OR51B5: variants seen among roughly 807,000 people sequenced by gnomAD.
The protein encoded by OR51B5 is olfactory receptor family 51 subfamily B member 5.
For synonymous variants in OR51B5, 186 were observed against 144.8 expected (o/e 1.28, Z -2.04); for missense variants, 456 against 374.6 (o/e 1.22, Z -1.79).
chr11:5,381,174 T>TCTCA (rs1554885861), intron 1 of OR51B5, among the ~76,000 whole-genome samples: 47 of 148,422 alleles, frequency 3.2e-4, no homozygotes, highest in African/African-American at 9.5e-4. Context: ...TCTCTCTCTC[T>TCTCA]CACACACACA....
rs79683057 is a variant in OR51B5 at position 5,422,500 on chromosome 11, T to C, written n.85-75590A>G. 1.9e-3 allele frequency: 2,993 copies of C among 1,614,218 alleles called. 3 individuals are homozygous for C. The highest frequency in any genetic ancestry group is 2.3e-3 in the Non-Finnish European group (2,683 of 1,180,028). ...GTAGAATCAGCTCTGAGGCCTGTTT[T>C]GCTCAGTTTTTCTTCCTTCATGGAT... On this transcript the variant is annotated intron_variant and non_coding_transcript_variant, in intron 1 of 4. Transcript: ENST00000415970.
intron 1 of OR51B5, among the ~76,000 whole-genome samples, chr11:5,450,857 A>G (rs1344833166): frequency 2.6e-5 from 4 of 152,092 alleles, no homozygotes; most frequent in African/African-American, 9.7e-5. Context: ...GCTGAGGATG[A>G]TGGCTTCCAG....
At chr11:5,398,745 A>T (rs1359197532) in intron 1 of OR51B5, among the ~76,000 whole-genome samples, 1 of 152,286 alleles carries the variant, frequency 6.6e-6, no homozygotes, top group African/African-American at 2.4e-5. Flanking sequence ...TGGTTTTATA[A>T]GGCAGTTTTC....
At chr11:5,388,549 G>A (rs192011746) in intron 1 of OR51B5, among the ~76,000 whole-genome samples, 37 of 147,098 alleles carry the variant, frequency 2.5e-4, no homozygotes, top group African/African-American at 8.1e-4. Context: ...CTATGAGCAA[G>A]CATACTAGAT....
rs533890148 is a variant in OR51B5, at chr11:5,462,532, C to T, written n.84+43037G>A. ...CTACTATGGCAAGAACTTCTTTGCT[C>T]TTGTGGTTATAGTTCAGTTGGATGA... is the stretch of plus-strand genomic sequence containing the variant. On this transcript the variant is annotated intron_variant and non_coding_transcript_variant, in intron 1 of 4. Transcript: ENST00000415970. 5.7e-4 allele frequency among the ~76,000 whole-genome samples: 87 copies of T among 152,290 alleles called. 1 individual carries two copies. In the Middle Eastern group the frequency reaches 0.021, roughly 36 times the overall value.
chr11:5,416,266 G>A (rs1850242678), intron 1 of OR51B5, among the ~76,000 whole-genome samples: 1 of 139,820 alleles, frequency 7.2e-6, no homozygotes, highest in Non-Finnish European at 1.6e-5. Context: ...CGGTATTGAT[G>A]GGACGTATCT....
At chr11:5,440,851 A>C in intron 1 of OR51B5, 3 of 1,613,866 alleles carry the variant, frequency 1.9e-6, no homozygotes, top group Non-Finnish European at 2.5e-6. Flanking sequence ...CTCAGGATCA[A>C]TGCGTAGGAA....
intron 1 of OR51B5, among the ~76,000 whole-genome samples, chr11:5,417,351 C>T (rs1392468450): frequency 1.3e-5 from 2 of 151,918 alleles, no homozygotes; most frequent in African/African-American, 4.8e-5. Flanking sequence ...CATTACCATT[C>T]AGGACATAGG....
chr11:5,441,293 T>C (rs1471652071), intron 1 of OR51B5: 7 of 1,613,862 alleles, frequency 4.3e-6, no homozygotes, highest in African/African-American at 1.3e-5. Context: ...AAAAGGACAC[T>C]CCCAGATCAT....
rs140689393 is a variant in OR51B5 at position 5,435,604 on chromosome 11, A to G, written n.84+69965T>C. Among the ~76,000 whole-genome samples the G allele has an allele frequency of 8.9e-4, 135 of 152,304 alleles. 1 individual carries two copies. Among genetic ancestry groups the G allele is most frequent in the African/African-American group, 3.2e-3 (131 of 41,560 alleles). On this transcript the variant is annotated intron_variant and non_coding_transcript_variant, in intron 1 of 4. Coordinates refer to the OR51B5 transcript ENST00000415970. ...ACTGGATGAATAAATAACTGAATAA[A>G]TAGTATCTGAGGTTTCCATGGTGAT...
At chr11:5,434,261 T>C (rs1458532131) in intron 1 of OR51B5, among the ~76,000 whole-genome samples, 1 of 152,212 alleles carries the variant, frequency 6.6e-6, no homozygotes, top group Non-Finnish European at 1.5e-5. Flanking sequence ...CATTTTAGAC[T>C]AAAATGAAAT....
chr11:5,341,212 G>A (rs1848887391), downstream of OR51B5: 1 of 152,196 alleles, frequency 6.6e-6, no homozygotes, highest in Non-Finnish European at 1.5e-5. Context: ...TAAAAGCAGT[G>A]TGGACAGGGG....
chr11:5,504,384 C>A (rs2133822105), intron 1 of OR51B5, among the ~76,000 whole-genome samples: 1 of 152,294 alleles, frequency 6.6e-6, no homozygotes, highest in East Asian at 1.9e-4. Flanking sequence ...AGTACAATTT[C>A]TTTGGAAAGG....
intron 1 of OR51B5, among the ~76,000 whole-genome samples, chr11:5,415,458 A>G (rs1205410776): frequency 1.3e-5 from 2 of 151,692 alleles, no homozygotes; most frequent in Non-Finnish European, 2.9e-5. Context: ...AGACACAAAA[A>G]ACCCTTCAAA....
chr11:5,470,509 C>G (rs1009667152), intron 1 of OR51B5, among the ~76,000 whole-genome samples: 3 of 152,090 alleles, frequency 2.0e-5, no homozygotes, highest in Non-Finnish European at 2.9e-5. Flanking sequence ...AAATATATGT[C>G]TGCTGCCCAG....
chr11:5,408,917 C>A (rs1850101911), intron 1 of OR51B5, among the ~76,000 whole-genome samples: 1 of 152,056 alleles, frequency 6.6e-6, no homozygotes, highest in Non-Finnish European at 1.5e-5. Flanking sequence ...AAGCCCATAA[C>A]CTATAATAAT....
At chr11:5,429,079 G>T (rs755351545) in intron 1 of OR51B5, among the ~76,000 whole-genome samples, 2 of 152,046 alleles carry the variant, frequency 1.3e-5, no homozygotes, top group Non-Finnish European at 2.9e-5. Context: ...GACTCAGCTG[G>T]TCCTCTGCAC....
Position 5,353,162 on chromosome 11 carries a change from G to A in OR51B5, n.85-6252C>T, listed in dbSNP as rs115568951. Among the ~76,000 whole-genome samples, 683 of 152,154 alleles carry A rather than the reference G, an allele frequency of 4.5e-3. 3 individuals are homozygous for A. Among genetic ancestry groups the A allele is most frequent in the African/African-American group, 0.016 (645 of 41,530 alleles). ...ATTTCCCTCAATTACTTTCTTCAAT[G>A]AGGGTAAACCATTTCCCTCAATTCA... On this transcript the variant is annotated intron_variant and non_coding_transcript_variant, in intron 1 of 4. Transcript: ENST00000415970.
At chr11:5,500,057 G>A (rs779609422) in intron 1 of OR51B5, among the ~76,000 whole-genome samples, 5 of 152,130 alleles carry the variant, frequency 3.3e-5, no homozygotes, top group African/African-American at 7.2e-5. Context: ...TCACAATCCC[G>A]GCCCTTTGAC....
Sources: gnomAD v4.1 joint callset for allele counts (sites outside exome capture counted in the v4.1 genomes callset) on GRCh38, gnomAD v4.1.1 for gene constraint, MANE v1.5 for transcripts, NCBI Gene and HGNC (gene_info 2026-07-23, HGNC 2026-07-21) for gene names.